LARGE1: variants seen among roughly 807,000 people sequenced by gnomAD.
LARGE1 encodes xylosyl- and glucuronyltransferase LARGE1.
In LARGE1, 43 loss-of-function variants were observed where a neutral mutation model predicts 87.6. The observed-to-expected ratio is 0.49, with a 90% confidence interval of 0.38 to 0.63. LARGE1 has a LOEUF of 0.63. Ranked by LOEUF, LARGE1 falls within the 30% of genes least tolerant of loss-of-function variation. LARGE1 has a pLI of 0.00. For missense variants in LARGE1, 802 were observed against 1,000.2 expected (o/e 0.80, Z 2.67); for synonymous variants, 434 against 394.6 (o/e 1.10, Z -1.18).
At chr22:33,484,024 C>T (rs886806930) in intron 6 of LARGE1, among the ~76,000 whole-genome samples, 5 of 152,090 alleles carry the variant, frequency 3.3e-5, no homozygotes, top group African/African-American at 4.8e-5. Context: ...TGAAAAGCCG[C>T]GACACGGGCC....
intron 1 of LARGE1, among the ~76,000 whole-genome samples, chr22:33,785,067 A>C (rs1183769341): frequency 7.2e-6 from 1 of 138,842 alleles, no homozygotes; most frequent in Non-Finnish European, 1.6e-5. Flanking sequence ...GTATATAGAT[A>C]TATGTGTATA....
intron 11 of LARGE1, among the ~76,000 whole-genome samples, chr22:33,170,483 C>T (rs775851673): frequency 2.0e-5 from 3 of 152,106 alleles, no homozygotes; most frequent in Non-Finnish European, 4.4e-5. Flanking sequence ...CCCCATGTGT[C>T]GGAGGAGAGA....
intron 2 of LARGE1, among the ~76,000 whole-genome samples, chr22:33,696,703 G>T (rs1479365359): frequency 2.0e-5 from 3 of 152,086 alleles, no homozygotes; most frequent in Non-Finnish European, 2.9e-5. Flanking sequence ...CATGCTGGTG[G>T]GTTTGAAATG....
At chr22:33,232,794 G>T (rs1045266583) in intron 11 of LARGE1, among the ~76,000 whole-genome samples, 1 of 152,252 alleles carries the variant, frequency 6.6e-6, no homozygotes, top group South Asian at 2.1e-4. Flanking sequence ...GGGGAGTAAC[G>T]GCAGCCATTT....
chr22:33,420,674 T>C (rs557080290), intron 7 of LARGE1, among the ~76,000 whole-genome samples: 24 of 152,298 alleles, frequency 1.6e-4, no homozygotes, highest in Non-Finnish European at 2.9e-4. Context: ...GGGTTCCCAT[T>C]TGTCTTGTTC....
rs184280064 is a variant in LARGE1, at chr22:33,346,414, C to T, written c.1132-8613G>A. ...ACCTCCCCGGTTTAAGCGATTCTCC[C>T]GCCTCAGCCTCCCGAGTAGCTGGGA... On this transcript the variant is annotated intron_variant, in intron 9 of 14. Coordinates refer to ENST00000397394, the MANE Select transcript of LARGE1 (RefSeq NM_133642.5). Among the ~76,000 whole-genome samples, 31 of 152,040 alleles carry T rather than the reference C, an allele frequency of 2.0e-4. No homozygotes were observed. The East Asian group carries it at 5.8e-3, about 29-fold the overall frequency.
intron 1 of LARGE1, among the ~76,000 whole-genome samples, chr22:33,768,306 G>GA (rs1013522670): frequency 4.6e-5 from 7 of 150,646 alleles, no homozygotes; most frequent in South Asian, 4.2e-4. Flanking sequence ...CCACTCCAAA[G>GA]AAAAAAAAAC....
At chr22:33,651,223 T>TAAAAAAAAAAAAAAAAAAAAAAAAAA (rs1371688457) in intron 2 of LARGE1, among the ~76,000 whole-genome samples, 1 of 17,146 alleles carries the variant, frequency 5.8e-5, no homozygotes, top group Non-Finnish European at 1.1e-4. Context: ...CTACTAAAAA[T>TAAAAAAAAAAAAAAAAAAAAAAAAAA]ACAAAAAAAA....
At chr22:33,776,997 G>C (rs1459509748) in intron 1 of LARGE1, among the ~76,000 whole-genome samples, 5 of 152,100 alleles carry the variant, frequency 3.3e-5, no homozygotes, top group East Asian at 3.9e-4. Flanking sequence ...AGAGTGTACA[G>C]GATAGTCAGG....
At chr22:33,433,858 G>A (rs894836226) in intron 6 of LARGE1, among the ~76,000 whole-genome samples, 2 of 152,176 alleles carry the variant, frequency 1.3e-5, no homozygotes, top group African/African-American at 2.4e-5. Context: ...TCCTTGGTAT[G>A]ATGACAGCTC....
At chr22:33,786,024 T>C (rs1470580518) in intron 1 of LARGE1, among the ~76,000 whole-genome samples, 1 of 152,200 alleles carries the variant, frequency 6.6e-6, no homozygotes. Context: ...CTAAATTGCC[T>C]GGAGGCCAAG....
chr22:33,766,417 T>C (rs2084902234), intron 1 of LARGE1, among the ~76,000 whole-genome samples: 1 of 152,138 alleles, frequency 6.6e-6, no homozygotes. Flanking sequence ...CCCAAAAAAA[T>C]CACCATGATC....
chr22:33,099,807 C>T, the LARGE1 span, among the ~76,000 whole-genome samples: 1 of 152,150 alleles, frequency 6.6e-6, no homozygotes, highest in Non-Finnish European at 1.5e-5. Context: ...CAGGATTGGC[C>T]AGATCATGAA....
intron 6 of LARGE1, among the ~76,000 whole-genome samples, chr22:33,556,562 G>T (rs1323177694): frequency 2.9e-5 from 3 of 101,820 alleles, no homozygotes; most frequent in African/African-American, 1.2e-4. Context: ...GAGGGAGGGA[G>T]GGAGGCAGGC....
In LARGE1 at chr22:33,274,404, C is replaced by T; in HGVS notation, c.*23G>A. On this transcript the variant is annotated 3_prime_UTR_variant, in exon 15 of 15. Coordinates refer to ENST00000397394, the MANE Select transcript of LARGE1 (RefSeq NM_133642.5). ...GGCACTTCCCCTACAGCATGTCTCC[C>T]CCTAGTGGTGGGCTTCTTGGTGCTA... The T allele has an allele frequency of 1.9e-6, 3 of 1,612,764 alleles. No homozygotes were observed. Among genetic ancestry groups the T allele is most frequent in the Non-Finnish European group, 2.5e-6 (3 of 1,178,728 alleles).
chr22:33,816,689 TAGACAGAC>T (rs1226644906), intron 1 of LARGE1, among the ~76,000 whole-genome samples: 2,995 of 132,420 alleles, frequency 0.023, 91 homozygotes, highest in African/African-American at 0.073. Context: ...GATAGATAGA[TAGACAGAC>T]AGACAGACAG....
At chr22:33,089,327 C>CTTCTTCTTCTTT in the LARGE1 span, among the ~76,000 whole-genome samples, 1 of 49,470 alleles carries the variant, frequency 2.0e-5, no homozygotes, top group African/African-American at 1.0e-4. Context: ...CTTCTTTCTT[C>CTTCTTCTTCTTT]TTCTTCTTCT....
At chr22:33,268,658 A>C (rs1928086148), downstream of LARGE1, among the ~76,000 whole-genome samples, 1 of 150,816 alleles carries the variant, frequency 6.6e-6, no homozygotes, top group African/African-American at 2.4e-5. Flanking sequence ...CGATCTCCTG[A>C]CCTCGTGATC....
chr22:33,907,628 C>T (rs1184618001), intron 1 of LARGE1, among the ~76,000 whole-genome samples: 1 of 151,428 alleles, frequency 6.6e-6, no homozygotes, highest in South Asian at 2.1e-4. Flanking sequence ...AGCGCAGTGG[C>T]GCGATCTCGG....
Sources: allele counts gnomAD v4.1 joint callset (sites outside exome capture counted in the v4.1 genomes callset), GRCh38; gene constraint gnomAD v4.1.1; transcripts MANE v1.5; gene names NCBI Gene and HGNC (gene_info 2026-07-23, HGNC 2026-07-21).